The following PANK4 variants were observed in gnomAD, a reference collection of about 807,000 sequenced individuals.
PANK4 encodes the protein pantothenate kinase 4 (inactive), also known as 4'-phosphopantetheine phosphatase.
In PANK4, 40 loss-of-function variants were observed where a neutral mutation model predicts 87.9. That is an observed-to-expected ratio of 0.46 (90% CI 0.35 to 0.59). The LOEUF (loss-of-function observed/expected upper bound fraction) is 0.59. PANK4 is among the 20% of genes least tolerant of loss of function. The pLI, the probability that PANK4 is intolerant of heterozygous loss-of-function variation, is 0.00. For synonymous variants in PANK4, 524 were observed against 467.4 expected (o/e 1.12, Z -1.56); for missense variants, 926 against 1,072.3 (o/e 0.86, Z 1.90).
chr1:2,512,478 A>C (rs1643677722), intron 13 of PANK4: 2 of 172,614 alleles, frequency 1.2e-5, no homozygotes, highest in East Asian at 3.2e-4. Flanking sequence ...GCCAGGTGCT[A>C]GACACCTGCG....
chr1:2,518,792 G>A (rs1207060585), intron 7 of PANK4, among the ~76,000 whole-genome samples, 195 bp from the exon 8 acceptor site: 2 of 152,246 alleles, frequency 1.3e-5, no homozygotes, highest in South Asian at 2.1e-4. Flanking sequence ...GAAAGCTAAG[G>A]GTGAGATAGC....
At chr1:2,514,502 T>G (rs771930035) in intron 10 of PANK4, 36 bp from the exon 11 acceptor site, 1 of 1,241,856 alleles carries the variant, frequency 8.1e-7, no homozygotes, top group African/African-American at 2.1e-5. Context: ...AGTCAAGCGC[T>G]GGCCCTGCTG....
Position 2,520,051 on chromosome 1 carries a change from A to G in PANK4, c.700-97T>C. 1 of 1,238,002 alleles carries G rather than the reference A, an allele frequency of 8.1e-7. No individual in the cohort carries two copies. The highest frequency in any genetic ancestry group is 1.1e-6 in the Non-Finnish European group (1 of 903,926). 76.7% of individuals were successfully genotyped at this position (1,238,002 alleles called of 1,614,324 possible). On this transcript the variant is annotated intron_variant, in intron 5 of 18. Coordinates refer to ENST00000378466, the MANE Select transcript of PANK4 (RefSeq NM_018216.4). The surrounding 1 kb of genome is among the most constrained non-coding windows in gnomAD (Gnocchi z 6.2). Reference sequence around the variant, plus strand: ...CCCATGGCAGGAGGCACGCGCGGGCAGGGGGTAAATGGGCCCTCATCGCGT... The same window carrying G: ...CCCATGGCAGGAGGCACGCGCGGGCGGGGGGTAAATGGGCCCTCATCGCGT...
chr1:2,510,995 A>G lies in PANK4; in HGVS notation c.1834-213T>C, dbSNP rs1643651219. 6.6e-6 allele frequency among the ~76,000 whole-genome samples: 1 copy of G among 151,288 alleles called. No homozygotes were observed. Among genetic ancestry groups the G allele is most frequent in the South Asian group, 2.1e-4 (1 of 4,772 alleles). On this transcript the variant is annotated intron_variant, in intron 15 of 18. Coordinates refer to ENST00000378466, the MANE Select transcript of PANK4 (RefSeq NM_018216.4). This position sits in a 1 kb window ranked among gnomAD's most constrained non-coding sequence, Gnocchi z 4.9. ...ACTGGGCTGGGCTGCAGGGGCTGAG[A>G]CCGGGACTTCAGGACCCCAGAGGCA...
chr1:2,517,180 G>C (rs1390949623), intron 9 of PANK4, among the ~76,000 whole-genome samples: 1 of 152,218 alleles, frequency 6.6e-6, no homozygotes, highest in African/African-American at 2.4e-5. Context: ...CAGGCCCCCA[G>C]AGCCTCGCCC....
rs200357576 is a variant in PANK4 at position 2,511,427 on chromosome 1, C to G, written c.1784-40G>C. On this transcript the variant is annotated intron_variant, in intron 14 of 18. Transcript: ENST00000378466. ...GGGACACATGATTAGCCCGGTGCTC[C>G]AGGTCAGGGGTCAGGGAGACGCGTC... 2,169 of 1,513,736 alleles carry G rather than the reference C, an allele frequency of 1.4e-3. 4 individuals are homozygous for G. Among genetic ancestry groups the G allele is most frequent in the Non-Finnish European group, 1.8e-3 (1,940 of 1,089,582 alleles). The allele number at this position is 1,513,736 out of a possible 1,614,324, so 93.8% of individuals were successfully genotyped here.
chr1:2,517,138 G>T (rs1164971648), intron 9 of PANK4, among the ~76,000 whole-genome samples: 3 of 152,232 alleles, frequency 2.0e-5, no homozygotes, highest in Non-Finnish European at 4.4e-5. Flanking sequence ...CTGCCCAACA[G>T]CAGGGCAAAA....
rs374550469 is a variant in PANK4, at chr1:2,520,343, G to A, written c.678C>T (p.Gly226=). The stretch of plus-strand genomic sequence containing the variant: ...ATACCTTCGTTTTGGTGAGCAGAGC[G>A]CCAAGCCCCCAGAAGGTGCCGCCTC... The part of the protein sequence containing the change: ...SIGGGTFWGL[G]ALLTKTKKFD... Residue 226 remains glycine (G), a synonymous_variant, in exon 5 of 19, where the codon GGC becomes GGT. Transcript: ENST00000378466. This position sits in a 1 kb window ranked among gnomAD's most constrained non-coding sequence, Gnocchi z 6.2. The A allele has an allele frequency of 3.0e-5, 49 of 1,612,728 alleles. No homozygotes were observed. Among genetic ancestry groups the A allele is most frequent in the South Asian group, 9.9e-5 (9 of 91,086 alleles).
chr1:2,521,628 G>T, intron 2 of PANK4, 90 bp downstream of exon 2: 1 of 1,033,268 alleles, frequency 9.7e-7, no homozygotes, highest in Non-Finnish European at 1.5e-6. Context: ...GAGGTCTGCA[G>T]CAGCAGAGGG....
At position 2,515,155 on chromosome 1, in the gene PANK4, A is replaced by T. The variant is rs1643744422; in HGVS notation, c.1374+407T>A. Reference sequence around the variant, plus strand: ...CCAGCCCAGCCTTGGAGAAGGTGGGACGCAGGAGTCCCAAGGTGGCCTCGC... The same window carrying T: ...CCAGCCCAGCCTTGGAGAAGGTGGGTCGCAGGAGTCCCAAGGTGGCCTCGC... On this transcript the variant is annotated intron_variant, in intron 10 of 18. Coordinates refer to ENST00000378466, the MANE Select transcript of PANK4 (RefSeq NM_018216.4). This position sits in a 1 kb window ranked among gnomAD's most constrained non-coding sequence, Gnocchi z 5.0. 1 of 382,232 alleles carries T rather than the reference A, an allele frequency of 2.6e-6. No individual in the cohort carries two copies. Among genetic ancestry groups the T allele is most frequent in the Non-Finnish European group, 5.2e-6 (1 of 192,188 alleles). The allele number at this position is 382,232 out of a possible 1,614,324, so 23.7% of individuals were successfully genotyped here.
In PANK4 at chr1:2,510,224, C is replaced by G. The variant is rs994240952; in HGVS notation, c.1939-67G>C. On this transcript the variant is annotated intron_variant, in intron 16 of 18. Transcript: ENST00000378466. This position sits in a 1 kb window ranked among gnomAD's most constrained non-coding sequence, Gnocchi z 4.9. Reference sequence around the variant, plus strand: ...CCCAGCATGGAGCCTGCGTGCACCCCGGCCTTCGAGTGGCTGGGCTGGGTG... The same window carrying G: ...CCCAGCATGGAGCCTGCGTGCACCCGGGCCTTCGAGTGGCTGGGCTGGGTG... 65 of 1,063,222 alleles carry G rather than the reference C, an allele frequency of 6.1e-5. No homozygotes were observed. The highest frequency in any genetic ancestry group is 8.8e-5 in the Non-Finnish European group (62 of 704,152). 65.9% of individuals were successfully genotyped at this position (1,063,222 alleles called of 1,614,324 possible).
chr1:2,514,528 G>C, intron 10 of PANK4, 62 bp from the exon 11 acceptor site: 2 of 1,173,398 alleles, frequency 1.7e-6, no homozygotes, highest in South Asian at 2.5e-5. Context: ...GAATCCCCAC[G>C]TGACAGCAGG....
intron 11 of PANK4, 53 bp from the exon 12 acceptor site, chr1:2,514,142 C>T (rs1266496098): frequency 5.7e-5 from 82 of 1,442,848 alleles, no homozygotes; most frequent in Middle Eastern, 2.0e-4. Context: ...AACACCCGCC[C>T]GTCTGCCATC....
At chr1:2,522,663 C>A (rs1424476557) in intron 1 of PANK4, among the ~76,000 whole-genome samples, 1 of 137,184 alleles carries the variant, frequency 7.3e-6, no homozygotes, top group Admixed American at 7.7e-5. Flanking sequence ...GAAAAAGAAA[C>A]AAAATGTGAC....
Position 2,510,106 on chromosome 1 carries a change from C to A in PANK4, c.1990G>T (p.Glu664Ter). The A allele has an allele frequency of 6.2e-7, 1 of 1,611,276 alleles. No homozygotes were observed. Among genetic ancestry groups the A allele is most frequent in the Non-Finnish European group, 8.5e-7 (1 of 1,179,262 alleles). ...ATACGCTCTGCCACGATGAGGGACT[C>A]GCTGTGGGTCACGTCGTTCAGGGCG... Reference protein sequence around the residue: ...GPALNDVTHSESLIVAERIAG... With the variant: ...GPALNDVTHS The change falls in exon 17 of 19, where the codon GAG (glutamate) becomes TAG (stop). Residue 664 changes from glutamate to a stop codon, truncating the protein, a stop_gained. Transcript: ENST00000378466. LOFTEE classifies it high-confidence loss of function. This position sits in a 1 kb window ranked among gnomAD's most constrained non-coding sequence, Gnocchi z 4.9.
chr1:2,514,369 A>G lies in PANK4; in HGVS notation c.1472T>C (p.Leu491Pro), dbSNP rs1643719922. The G allele has an allele frequency of 6.2e-7, 1 of 1,611,680 alleles. No individual in the cohort carries two copies. The highest frequency in any genetic ancestry group is 1.3e-5 in the African/African-American group (1 of 74,860). The change falls in exon 11 of 19, where the codon CTG becomes CCG. Residue 491 changes from leucine to proline, a missense_variant. Transcript: ENST00000378466. ...RQKYWNKLQT[L>P]RQQPFAYGTL... Reference sequence around the variant, plus strand: ...GGGCACTTACAAGGGCTGCTGCCTCAGGGTCTGAAGCTTGTTCCAGTACTT... The same window carrying G: ...GGGCACTTACAAGGGCTGCTGCCTCGGGGTCTGAAGCTTGTTCCAGTACTT...
intron 12 of PANK4, among the ~76,000 whole-genome samples, chr1:2,513,695 T>C (rs533621421): frequency 1.6e-4 from 24 of 152,358 alleles, no homozygotes; most frequent in African/African-American, 4.8e-4. Context: ...CCTTGGCTCC[T>C]GCAGGCAGGC....
chr1:2,524,000 C>T (rs1390203301), intron 1 of PANK4, among the ~76,000 whole-genome samples: 1 of 152,242 alleles, frequency 6.6e-6, no homozygotes, highest in African/African-American at 2.4e-5. Context: ...GCCCCATCCC[C>T]TCTGCCATTC....
rs1228119313 is a variant in PANK4 at position 2,515,059 on chromosome 1, G to A, written c.1374+503C>T. On this transcript the variant is annotated intron_variant, in intron 10 of 18. Coordinates refer to ENST00000378466, the MANE Select transcript of PANK4 (RefSeq NM_018216.4). This position sits in a 1 kb window ranked among gnomAD's most constrained non-coding sequence, Gnocchi z 5.0. ...TTCGTGAAGAGTGCGTGTTGCTACCGGGGCTCCCTGGCCCCGAGCTGAGCT... is the reference window on the plus strand; with the variant it reads ...TTCGTGAAGAGTGCGTGTTGCTACCAGGGCTCCCTGGCCCCGAGCTGAGCT... 3.3e-5 allele frequency among the ~76,000 whole-genome samples: 5 copies of A among 152,160 alleles called. No homozygotes were observed. The highest frequency in any genetic ancestry group is 6.5e-5 in the Admixed American group (1 of 15,290).
Sources: gnomAD v4.1 joint callset for allele counts (sites outside exome capture counted in the v4.1 genomes callset) on GRCh38, gnomAD v4.1.1 for gene constraint, Gnocchi (gnomAD v3.1) non-coding constraint, MANE v1.5 for transcripts, NCBI Gene and HGNC (gene_info 2026-07-23, HGNC 2026-07-21) for gene names.